SECISBP2: variants seen among roughly 807,000 people sequenced by gnomAD.
The protein encoded by SECISBP2 is selenocysteine insertion sequence-binding protein 2.
A neutral mutation model predicts 98.2 loss-of-function variants in SECISBP2; 96 were observed. The observed-to-expected ratio is 0.98, with a 90% confidence interval of 0.83 to 1.16. SECISBP2 has a LOEUF of 1.16. Ranked by LOEUF, SECISBP2 falls within the 50% of genes most tolerant of loss-of-function variation. The pLI, the probability that SECISBP2 is intolerant of heterozygous loss-of-function variation, is 0.00. For synonymous variants in SECISBP2, 407 were observed against 370.2 expected, an observed-to-expected ratio of 1.10 and a Z score of -1.14; for missense variants, 1,046 against 1,022.9, an observed-to-expected ratio of 1.02 and a Z score of -0.31.
intron 10 of SECISBP2, 49 bp downstream of exon 10, chr9:89,341,528 CTAGATTAT>C (rs1829656753): frequency 1.9e-6 from 3 of 1,606,100 alleles, no homozygotes; most frequent in Non-Finnish European, 2.6e-6. Context: ...TCTTTTTCAG[CTAGATTAT>C]TATGTTACCA....
At chr9:89,360,834 A>G (rs894271911), downstream of SECISBP2, 1 of 152,256 alleles carries the variant, frequency 6.6e-6, no homozygotes, top group Admixed American at 6.5e-5. Flanking sequence ...GAGCAAAGAA[A>G]GACTCAGAAA....
At chr9:89,353,487 C>T (rs1831598066) in intron 14 of SECISBP2, among the ~76,000 whole-genome samples, 1 of 152,240 alleles carries the variant, frequency 6.6e-6, no homozygotes, top group African/African-American at 2.4e-5. Context: ...AGCTGAGGGG[C>T]TGGACACCGA....
At chr9:89,356,349 G>T (rs1832069462) in intron 14 of SECISBP2, among the ~76,000 whole-genome samples, 1 of 152,230 alleles carries the variant, frequency 6.6e-6, no homozygotes, top group Admixed American at 6.5e-5. Flanking sequence ...GTGCCAAAAA[G>T]ATTGGGGACC....
rs139317832 is a variant in SECISBP2, at chr9:89,347,082, A to G, written c.1602+34A>G. The G allele has an allele frequency of 1.5e-4, 242 of 1,605,030 alleles. 1 individual carries two copies. The African/African-American group carries it at 2.9e-3, about 19-fold the overall frequency. On this transcript the variant is annotated intron_variant, in intron 11 of 16. Transcript: ENST00000375807. ...GGTGTTTCAGCCGAAGTGAGGCACT[A>G]GAAAACTTAGTCTCACATTTCCATA...
At chr9:89,338,429 G>A (rs778896983) in intron 7 of SECISBP2, 29 bp from the exon 8 acceptor site, 3 of 1,612,050 alleles carry the variant, frequency 1.9e-6, no homozygotes, top group South Asian at 1.1e-5. Flanking sequence ...CCTAAAAACA[G>A]GATTTTTTGC....
chr9:89,322,367 C>G (rs1018949867), intron 2 of SECISBP2: 3 of 152,228 alleles, frequency 2.0e-5, no homozygotes, highest in Non-Finnish European at 4.4e-5. Context: ...TGTGAAAAAT[C>G]CTGTGCAACC....
intron 7 of SECISBP2, among the ~76,000 whole-genome samples, chr9:89,336,515 C>T (rs1828741545): frequency 6.6e-6 from 1 of 151,912 alleles, no homozygotes; most frequent in Non-Finnish European, 1.5e-5. Context: ...TTTTGATTTC[C>T]AAAAATGTAA....
chr9:89,344,200 T>C (rs1176119169), intron 10 of SECISBP2, among the ~76,000 whole-genome samples: 2 of 152,260 alleles, frequency 1.3e-5, no homozygotes, highest in Non-Finnish European at 2.9e-5. Context: ...TCCTTGTAGA[T>C]GTTGGCTATT....
rs1832272774 is a variant in SECISBP2, at chr9:89,357,511, G to T, written c.2214G>T (p.Leu738Phe). 2.5e-6 allele frequency: 4 copies of T among 1,614,196 alleles called. No homozygotes were observed. The highest frequency in any genetic ancestry group is 3.4e-6 in the Non-Finnish European group (4 of 1,180,046). Residue 738 changes from leucine (L) to phenylalanine (F), a missense_variant, in exon 15 of 17, where the codon TTG becomes TTT. Physicochemically the swap from Leu to Phe is conservative, Grantham distance 22 (BLOSUM62 0). Coordinates refer to ENST00000375807, the MANE Select transcript of SECISBP2 (RefSeq NM_024077.5). ...ACCGCAAAGCTCTGGGGCGCAGTTT[G>T]AATAAGGCAGTTCCTGTCAGTGTGG... is the stretch of plus-strand genomic sequence containing the variant. ...ALNRKALGRS[L>F]NKAVPVSVVG...
intron 15 of SECISBP2, 52 bp from the exon 16 acceptor site, chr9:89,357,947 C>G: frequency 6.3e-7 from 1 of 1,596,456 alleles, no homozygotes; most frequent in Non-Finnish European, 8.6e-7. Flanking sequence ...TTTGAGGGAC[C>G]CGTGTCCTCT....
chr9:89,363,987 T>C (rs1317825553), downstream of SECISBP2: 2 of 1,613,888 alleles, frequency 1.2e-6, no homozygotes, highest in Non-Finnish European at 1.7e-6. Context: ...TGAGTCCACA[T>C]TTAGGACCCA....
At chr9:89,355,040 T>C (rs1363346672) in intron 14 of SECISBP2, 21 of 985,262 alleles carry the variant, frequency 2.1e-5, no homozygotes, top group Non-Finnish European at 2.4e-5. Flanking sequence ...TGCAAATGCT[T>C]TGGGTAGATC....
chr9:89,348,680 C>G (rs1205367458), intron 12 of SECISBP2, among the ~76,000 whole-genome samples: 1 of 152,240 alleles, frequency 6.6e-6, no homozygotes, highest in Non-Finnish European at 1.5e-5. Flanking sequence ...GCATTCAGAT[C>G]AAGAAGCAAA....
At chr9:89,347,660 G>A (rs986404811) in intron 11 of SECISBP2, among the ~76,000 whole-genome samples, 11 of 151,934 alleles carry the variant, frequency 7.2e-5, no homozygotes, top group Admixed American at 4.6e-4. Context: ...TGTATTTTTA[G>A]TAGAGACGAG....
chr9:89,336,108 T>TTTC (rs1554720204), intron 7 of SECISBP2, among the ~76,000 whole-genome samples: 11 of 133,650 alleles, frequency 8.2e-5, no homozygotes, highest in East Asian at 5.1e-4. Context: ...TTTTTTTTTT[T>TTTC]CACTGCAGCT....
intron 7 of SECISBP2, among the ~76,000 whole-genome samples, chr9:89,335,147 C>T (rs920680364): frequency 2.0e-5 from 3 of 148,602 alleles, no homozygotes; most frequent in Non-Finnish European, 3.0e-5. Context: ...ACCCGGGAGG[C>T]GGAGCTTGTA....
At position 89,334,199 on chromosome 9, in the gene SECISBP2, T is replaced by G. The variant is rs1036180558; in HGVS notation, c.881-323T>G. 40 of 1,201,334 alleles carry G rather than the reference T, an allele frequency of 3.3e-5. 1 individual carries two copies. The highest frequency in any genetic ancestry group is 4.2e-5 in the Non-Finnish European group (40 of 955,378). The allele number at this position is 1,201,334 out of a possible 1,614,324, so 74.4% of individuals were successfully genotyped here. ...TGATCTTTAGTTCGTTAATTCTGTG[T>G]GCTTGCCACGTGGACATTTATTGTG... On this transcript the variant is annotated intron_variant, in intron 6 of 16. Transcript: ENST00000375807.
chr9:89,326,042 A>C lies in SECISBP2; in HGVS notation c.574+4A>C, dbSNP rs1233262253. ...GCTGAGAATAGTTTGAAATCAGGTA[A>C]AAATAACCAACAATGTAGTATAATG... On this transcript the variant is annotated splice_donor_region_variant and intron_variant, in intron 4 of 16. Transcript: ENST00000375807. 2.5e-6 allele frequency: 4 copies of C among 1,611,602 alleles called. No individual in the cohort carries two copies. The Admixed American group carries it at 6.7e-5, about 27-fold the overall frequency.
chr9:89,332,023 T>TA (rs1261626109), intron 5 of SECISBP2, among the ~76,000 whole-genome samples: 4 of 152,234 alleles, frequency 2.6e-5, no homozygotes, highest in African/African-American at 9.6e-5. Flanking sequence ...TTTATGTACT[T>TA]ATATATTTGG....
Sources: allele counts gnomAD v4.1 joint callset (sites outside exome capture counted in the v4.1 genomes callset), GRCh38; gene constraint gnomAD v4.1.1; transcripts MANE v1.5; gene names NCBI Gene and HGNC (gene_info 2026-07-23, HGNC 2026-07-21).